Variants in LRRFIP1 observed in about 807,000 individuals in gnomAD.
The protein encoded by LRRFIP1 is leucine-rich repeat flightless-interacting protein 1.
A neutral mutation model predicts 104.4 loss-of-function variants in LRRFIP1; 62 were observed. The ratio of observed to expected loss-of-function variants is 0.59; its 90% confidence interval spans 0.48 to 0.73. LRRFIP1 has a LOEUF of 0.73. Ranked by LOEUF, LRRFIP1 falls within the 30% of genes least tolerant of loss-of-function variation. LRRFIP1 has a pLI of 0.00. For missense variants in LRRFIP1, 796 were observed against 824.5 expected, an observed-to-expected ratio of 0.97 and a Z score of 0.42; for synonymous variants, 300 against 299.0, an observed-to-expected ratio of 1.00 and a Z score of -0.03.
chr2:237,651,643 G>T (rs2085953821), intron 1 of LRRFIP1, among the ~76,000 whole-genome samples: 1 of 152,126 alleles, frequency 6.6e-6, no homozygotes, highest in Non-Finnish European at 1.5e-5. Flanking sequence ...TGTATTTCCT[G>T]TAAGTGAAAA....
chr2:237,722,485 C>A (rs763270085), intron 6 of LRRFIP1, among the ~76,000 whole-genome samples: 5 of 152,062 alleles, frequency 3.3e-5, no homozygotes, highest in Non-Finnish European at 7.3e-5. Flanking sequence ...TGATTTTTAA[C>A]CAGAAATAAG....
chr2:237,740,365 A>G (rs975357272), intron 11 of LRRFIP1, among the ~76,000 whole-genome samples: 10 of 151,980 alleles, frequency 6.6e-5, no homozygotes, highest in Non-Finnish European at 5.9e-5. Context: ...GCAATGAGCT[A>G]TGAGTGCCAC....
chr2:237,674,350 A>G (rs187255702), intron 1 of LRRFIP1, among the ~76,000 whole-genome samples: 1 of 152,304 alleles, frequency 6.6e-6, no homozygotes, highest in Admixed American at 6.5e-5. Flanking sequence ...GCAGTTGTGC[A>G]TTTTCCTTCT....
chr2:237,709,800 A>G (rs1003583893), intron 2 of LRRFIP1, among the ~76,000 whole-genome samples: 1 of 152,170 alleles, frequency 6.6e-6, no homozygotes, highest in African/African-American at 2.4e-5. Context: ...GCCAGAGGCC[A>G]CTAGAAGGAA....
Position 237,756,261 on chromosome 2 carries a change from C to G in LRRFIP1, c.1131+74C>G, listed in dbSNP as rs116864093. ...TTTTGTCAGGCCATGACTATCTTAG[C>G]TTAGGCTGCAGTAATAAAATACCAT... is the stretch of plus-strand genomic sequence containing the variant. On this transcript the variant is annotated intron_variant, in intron 16 of 23. Transcript: ENST00000308482. The G allele has an allele frequency of 7.4e-3, 8,061 of 1,092,614 alleles. 219 individuals are homozygous for G. The East Asian group carries it at 0.082, about 11-fold the overall frequency. 67.7% of individuals were successfully genotyped at this position (1,092,614 alleles called of 1,614,324 possible).
At chr2:237,706,967 T>C (rs1250422031) in intron 1 of LRRFIP1, among the ~76,000 whole-genome samples, 1 of 152,164 alleles carries the variant, frequency 6.6e-6, no homozygotes, top group Non-Finnish European at 1.5e-5. Context: ...AATATGGTCT[T>C]GGAAATTGAA....
At position 237,627,597 on chromosome 2, in the gene LRRFIP1, G is replaced by A. The variant is rs10192980; in HGVS notation, c.-48G>A. The A allele has an allele frequency of 2.7e-6, 3 of 1,112,906 alleles. No homozygotes were observed. Among genetic ancestry groups the A allele is most frequent in the South Asian group, 6.4e-5 (2 of 31,120 alleles). The allele number at this position is 1,112,906 out of a possible 1,614,324, so 68.9% of individuals were successfully genotyped here. A position where few individuals can be genotyped will look rare whatever the true frequency, so the allele number is the denominator to read the frequency against. On this transcript the variant is annotated 5_prime_UTR_variant, in exon 1 of 24. Coordinates refer to ENST00000308482, the MANE Select transcript of LRRFIP1 (RefSeq NM_001137550.2). Reference sequence around the variant, plus strand: ...GGCCGGGGCCGGGCCGGGGCGGCGCGAGCGGCTGGAGCAACGGGCCCCGCG... The same window carrying A: ...GGCCGGGGCCGGGCCGGGGCGGCGCAAGCGGCTGGAGCAACGGGCCCCGCG...
chr2:237,724,993 T>C (rs1033240994), intron 7 of LRRFIP1, among the ~76,000 whole-genome samples: 2 of 152,198 alleles, frequency 1.3e-5, no homozygotes, highest in Non-Finnish European at 2.9e-5. Flanking sequence ...GCAGTGGACT[T>C]TTGCGTGGTC....
intron 1 of LRRFIP1, among the ~76,000 whole-genome samples, chr2:237,666,944 C>T (rs200968347): frequency 1.0e-3 from 78 of 76,780 alleles, no homozygotes; most frequent in African/African-American, 3.6e-3. Flanking sequence ...TTCTTTCTTT[C>T]TTTTTCTTTC....
intron 11 of LRRFIP1, among the ~76,000 whole-genome samples, chr2:237,745,413 G>T (rs767051337): frequency 2.6e-5 from 4 of 152,144 alleles, no homozygotes; most frequent in Non-Finnish European, 4.4e-5. Flanking sequence ...TTAAAAATAT[G>T]CCCAGATTTT....
chr2:237,702,146 C>T (rs756209687), intron 1 of LRRFIP1, among the ~76,000 whole-genome samples: 10 of 152,122 alleles, frequency 6.6e-5, no homozygotes, highest in South Asian at 2.1e-4. Flanking sequence ...TGTGCTTCCT[C>T]GTGTATTTTT....
intron 19 of LRRFIP1, chr2:237,762,817 G>A: frequency 6.2e-7 from 1 of 1,614,206 alleles, no homozygotes; most frequent in African/African-American, 1.3e-5. Flanking sequence ...CTACCTATGA[G>A]GAACAGGTTC....
At chr2:237,763,077 A>T (rs1231763563) in intron 19 of LRRFIP1, 1 of 1,614,210 alleles carries the variant, frequency 6.2e-7, no homozygotes, top group Admixed American at 1.7e-5. Context: ...CATGATGACA[A>T]ATGTATGGTA....
chr2:237,692,637 T>C, intron 1 of LRRFIP1: 1 of 1,294,768 alleles, frequency 7.7e-7, no homozygotes. Context: ...TGGGGTGGGC[T>C]CTGGCGGGAC....
At chr2:237,761,463 C>T (rs76213691) in intron 19 of LRRFIP1, among the ~76,000 whole-genome samples, 6,801 of 152,302 alleles carry the variant, frequency 0.045, 509 homozygotes, top group African/African-American at 0.15. Context: ...AATCTGATTA[C>T]GCTGCTCTTA....
chr2:237,752,430 A>G (rs2058735381), intron 14 of LRRFIP1, among the ~76,000 whole-genome samples: 1 of 152,138 alleles, frequency 6.6e-6, no homozygotes, highest in South Asian at 2.1e-4. Flanking sequence ...GCTGCTGGGG[A>G]GCCACTGAAC....
intron 18 of LRRFIP1, 58 bp downstream of exon 18, chr2:237,758,879 C>T: frequency 2.3e-6 from 3 of 1,327,986 alleles, no homozygotes; most frequent in Non-Finnish European, 3.2e-6. Context: ...CAGGTGACAA[C>T]AGCAAATTTT....
intron 1 of LRRFIP1, among the ~76,000 whole-genome samples, chr2:237,654,816 C>T (rs10207344): frequency 0.22 from 34,090 of 152,092 alleles, 4,351 homozygotes; most frequent in South Asian, 0.33. Context: ...TCCCAAAGTG[C>T]TGGGATTACA....
At chr2:237,737,228 G>A (rs1031786352) in intron 10 of LRRFIP1, among the ~76,000 whole-genome samples, 11 of 152,206 alleles carry the variant, frequency 7.2e-5, no homozygotes, top group Non-Finnish European at 1.2e-4. Flanking sequence ...AGCCGAGGAA[G>A]TTGTTTCTGG....
Sources: gnomAD v4.1 joint callset for allele counts (sites outside exome capture counted in the v4.1 genomes callset) on GRCh38, gnomAD v4.1.1 for gene constraint, MANE v1.5 for transcripts, NCBI Gene and HGNC (gene_info 2026-07-23, HGNC 2026-07-21) for gene names.